Variants in CCL26 observed in about 807,000 individuals in gnomAD.
CCL26 encodes C-C motif chemokine 26.
CCL26 carries 10 observed loss-of-function variants against 10.7 expected under a neutral mutation model. That is an observed-to-expected ratio of 0.93 (90% CI 0.57 to 1.58). The LOEUF (loss-of-function observed/expected upper bound fraction) is 1.58. CCL26 is among the 40% of genes most tolerant of loss of function. CCL26 has a pLI of 0.00. For missense variants in CCL26, 116 were observed against 111.0 expected (o/e 1.05, Z -0.20); for synonymous variants, 43 against 41.4 (o/e 1.04, Z -0.15).
At chr7:75,789,232 A>G (rs1427095846) in intron 1 of CCL26, among the ~76,000 whole-genome samples, 3 of 151,428 alleles carry the variant, frequency 2.0e-5, no homozygotes, top group East Asian at 2.0e-4. Context: ...GGTGCCAGCC[A>G]CCGTGCCTGG....
chr7:75,771,087 T>C (rs1262257268), intron 2 of CCL26, among the ~76,000 whole-genome samples: 1 of 150,546 alleles, frequency 6.6e-6, no homozygotes, highest in Non-Finnish European at 1.5e-5. Context: ...TTCACTCTTT[T>C]TTTTCTCTTT....
chr7:75,779,464 CCT>C (rs1208456939), intron 1 of CCL26, among the ~76,000 whole-genome samples: 1 of 152,158 alleles, frequency 6.6e-6, no homozygotes, highest in Non-Finnish European at 1.5e-5. Context: ...GGGTAAGTGG[CCT>C]CTCTTTACTC....
At chr7:75,781,705 CA>C (rs1803068091) in intron 1 of CCL26, among the ~76,000 whole-genome samples, 1 of 152,156 alleles carries the variant, frequency 6.6e-6, no homozygotes, top group Non-Finnish European at 1.5e-5. Flanking sequence ...CATCCTGGCT[CA>C]AAAGCTCCCC....
intron 1 of CCL26, among the ~76,000 whole-genome samples, chr7:75,786,578 T>G (rs974166603): frequency 1.3e-5 from 2 of 152,170 alleles, no homozygotes; most frequent in African/African-American, 4.8e-5. Flanking sequence ...CAAGGCCGCT[T>G]TACTTCCAAA....
chr7:75,769,936 G>T, intron 2 of CCL26, 147 bp from the exon 3 acceptor site: 1 of 594,164 alleles, frequency 1.7e-6, no homozygotes. Flanking sequence ...TCTTCTCCTG[G>T]GCCTTGTCTC....
At chr7:75,784,492 A>G (rs1295483574) in intron 1 of CCL26, among the ~76,000 whole-genome samples, 4 of 152,060 alleles carry the variant, frequency 2.6e-5, no homozygotes, top group Non-Finnish European at 5.9e-5. Context: ...CCCCTTCTTA[A>G]TCAATACAGA....
upstream of CCL26, among the ~76,000 whole-genome samples, chr7:75,790,218 T>TCTTTCTTTCTTTCTTACTTC (rs1554530641): frequency 1.5e-5 from 1 of 66,802 alleles, no homozygotes; most frequent in Admixed American, 1.6e-4. Context: ...TTTCTTTCTT[T>TCTTTCTTTCTTTCTTACTTC]CTTCCTTCCT....
intron 1 of CCL26, among the ~76,000 whole-genome samples, chr7:75,779,835 C>T (rs1336049907): frequency 6.6e-6 from 1 of 152,218 alleles, no homozygotes; most frequent in African/African-American, 2.4e-5. Context: ...GGCTGCTCCC[C>T]ACCCCTTCTC....
chr7:75,769,601 A>C lies in CCL26; in HGVS notation c.*92T>G, dbSNP rs998259103. On this transcript the variant is annotated 3_prime_UTR_variant, in exon 3 of 3. Coordinates refer to ENST00000005180, the MANE Select transcript of CCL26 (RefSeq NM_001371938.1). The stretch of plus-strand genomic sequence containing the variant: ...ACACCCTCTCCTCCCCAGCGGGTCC[A>C]TGTAGCCTTCAGAAAAGATTCCGCA... 5.1e-6 allele frequency: 4 copies of C among 778,198 alleles called. No individual in the cohort carries two copies. In the East Asian group the frequency reaches 1.0e-4, roughly 20 times the overall value. 48.2% of individuals were successfully genotyped at this position (778,198 alleles called of 1,614,324 possible). A position where few individuals can be genotyped will look rare whatever the true frequency, so the allele number is the denominator to read the frequency against.
At chr7:75,783,957 T>A (rs1180413105) in intron 1 of CCL26, among the ~76,000 whole-genome samples, 1 of 152,172 alleles carries the variant, frequency 6.6e-6, no homozygotes, top group Non-Finnish European at 1.5e-5. Context: ...CTCCTGACAT[T>A]AAATAAAGCT....
At chr7:75,772,394 TG>T (rs1802844784), upstream of CCL26, 4 of 553,274 alleles carry the variant, frequency 7.2e-6, no homozygotes, top group South Asian at 8.8e-5. Context: ...TGGTGGCTCA[TG>T]CCTGTGATCA....
At chr7:75,784,457 A>C (rs62475537) in intron 1 of CCL26, among the ~76,000 whole-genome samples, 27,179 of 152,064 alleles carry the variant, frequency 0.18, 3,005 homozygotes, top group East Asian at 0.28. Flanking sequence ...GCTTTGGGTA[A>C]CTCTTACAGT....
upstream of CCL26, among the ~76,000 whole-genome samples, chr7:75,790,314 A>G (rs1184754575): frequency 1.4e-5 from 2 of 146,390 alleles, no homozygotes; most frequent in African/African-American, 5.1e-5. Flanking sequence ...CAGTGGTGCA[A>G]TCATAGCTCC....
intron 1 of CCL26, among the ~76,000 whole-genome samples, chr7:75,785,854 G>T (rs779204361): frequency 6.6e-6 from 1 of 152,152 alleles, no homozygotes; most frequent in Non-Finnish European, 1.5e-5. Context: ...TGTGCAGTTG[G>T]AATTCTTACA....
chr7:75,769,857 A>G, intron 2 of CCL26, 68 bp from the exon 3 acceptor site: 6 of 950,772 alleles, frequency 6.3e-6, no homozygotes, highest in Middle Eastern at 2.1e-4. Flanking sequence ...ATAGAAAGGG[A>G]AGGAGGGGCA....
At chr7:75,784,657 A>T (rs1402360297) in intron 1 of CCL26, among the ~76,000 whole-genome samples, 2 of 152,128 alleles carry the variant, frequency 1.3e-5, no homozygotes, top group East Asian at 3.9e-4. Flanking sequence ...CTTTTTAGTT[A>T]TCCCCACCTG....
chr7:75,789,602 T>C (rs935462959), intron 1 of CCL26: 4 of 151,888 alleles, frequency 2.6e-5, no homozygotes, highest in Admixed American at 2.0e-4. Flanking sequence ...AAAATTCTCT[T>C]CTGCAATGAG....
intron 1 of CCL26, among the ~76,000 whole-genome samples, chr7:75,783,786 C>CAA (rs1318162003): frequency 0.011 from 969 of 87,642 alleles, 7 homozygotes; most frequent in African/African-American, 0.012. Flanking sequence ...GACTCCAGCT[C>CAA]AAAAAAAAAA....
chr7:75,773,206 A>G (rs531748618), upstream of CCL26, among the ~76,000 whole-genome samples: 2 of 151,902 alleles, frequency 1.3e-5, no homozygotes, highest in East Asian at 3.9e-4. Context: ...AACAAATAAT[A>G]TATATATATA....
Sources: gnomAD v4.1 joint callset for allele counts (sites outside exome capture counted in the v4.1 genomes callset) on GRCh38, gnomAD v4.1.1 for gene constraint, MANE v1.5 for transcripts, NCBI Gene and HGNC (gene_info 2026-07-23, HGNC 2026-07-21) for gene names.